The following SPATS2 variants were observed in gnomAD, a reference collection of about 807,000 sequenced individuals.
The protein encoded by SPATS2 is spermatogenesis-associated serine-rich protein 2.
SPATS2 carries 38 observed loss-of-function variants against 63.7 expected under a neutral mutation model. The observed-to-expected ratio is 0.60, with a 90% confidence interval of 0.46 to 0.78. The LOEUF (loss-of-function observed/expected upper bound fraction) is 0.78, where lower values mean the gene tolerates loss of function less well. Among genes scored for constraint, SPATS2 ranks in the 30% least tolerant of loss-of-function variants. SPATS2 has a pLI of 0.00. For synonymous variants in SPATS2, 207 were observed against 232.9 expected (o/e 0.89, Z 1.01); for missense variants, 588 against 666.2 (o/e 0.88, Z 1.29).
chr12:49,470,587 G>A (rs1442802404), intron 3 of SPATS2, among the ~76,000 whole-genome samples: 1 of 152,182 alleles, frequency 6.6e-6, no homozygotes, highest in Non-Finnish European at 1.5e-5. Flanking sequence ...CAGTTCACCA[G>A]CTGGTAAATC....
chr12:49,497,437 C>CG (rs1298104022), intron 8 of SPATS2, among the ~76,000 whole-genome samples: 3 of 151,484 alleles, frequency 2.0e-5, no homozygotes, highest in African/African-American at 7.3e-5. Flanking sequence ...CTTTGTCCCC[C>CG]AGGCTGGAGT....
intron 3 of SPATS2, among the ~76,000 whole-genome samples, chr12:49,468,182 ATG>A (rs1945963202): frequency 8.9e-6 from 1 of 112,622 alleles, no homozygotes; most frequent in Admixed American, 9.7e-5. Context: ...TTTTTTTGAA[ATG>A]GAGTCTTGCT....
At chr12:49,496,527 T>A (rs1406679058) in intron 7 of SPATS2, among the ~76,000 whole-genome samples, 3 of 152,218 alleles carry the variant, frequency 2.0e-5, no homozygotes, top group Non-Finnish European at 4.4e-5. Flanking sequence ...TGTGCCAGAC[T>A]TACATAGAAA....
At chr12:49,513,035 C>A in intron 9 of SPATS2, 1 of 633,448 alleles carries the variant, frequency 1.6e-6, no homozygotes, top group Non-Finnish European at 2.4e-6. Flanking sequence ...TAACATCATG[C>A]GTAACGATTA....
chr12:49,400,512 A>G (rs374761159), intron 2 of SPATS2, among the ~76,000 whole-genome samples: 10 of 152,278 alleles, frequency 6.6e-5, no homozygotes, highest in African/African-American at 1.4e-4. Flanking sequence ...GGAGGGAGAA[A>G]GGGGAATGAC....
At chr12:49,413,294 A>G (rs1424583429) in intron 2 of SPATS2, among the ~76,000 whole-genome samples, 1 of 152,130 alleles carries the variant, frequency 6.6e-6, no homozygotes, top group East Asian at 1.9e-4. Flanking sequence ...TGGAACAGCT[A>G]CGGCGCCTTG....
At chr12:49,461,508 G>A (rs939504552) in intron 3 of SPATS2, among the ~76,000 whole-genome samples, 1 of 152,114 alleles carries the variant, frequency 6.6e-6, no homozygotes, top group African/African-American at 2.4e-5. Flanking sequence ...TATAATGGAG[G>A]GAAGGACAAC....
intron 7 of SPATS2, among the ~76,000 whole-genome samples, chr12:49,496,483 C>A (rs1343325000): frequency 6.6e-6 from 1 of 152,144 alleles, no homozygotes; most frequent in Non-Finnish European, 1.5e-5. Context: ...TGGAGGCTTG[C>A]AGAAGTTGGT....
At chr12:49,454,755 C>T (rs537152604) in intron 2 of SPATS2, among the ~76,000 whole-genome samples, 14 of 152,028 alleles carry the variant, frequency 9.2e-5, no homozygotes, top group Admixed American at 2.0e-4. Flanking sequence ...TGGTGGTATG[C>T]GCCTGTAGCC....
chr12:49,436,520 G>T (rs868646619), intron 2 of SPATS2, among the ~76,000 whole-genome samples: 34 of 118,498 alleles, frequency 2.9e-4, no homozygotes, highest in Admixed American at 7.8e-4. Flanking sequence ...CTGGCCGGGC[G>T]GGGGGCTGAC....
chr12:49,407,350 G>C (rs145210817), intron 2 of SPATS2, among the ~76,000 whole-genome samples: 8 of 152,078 alleles, frequency 5.3e-5, no homozygotes, highest in African/African-American at 1.7e-4. Context: ...TCTTCCAGTG[G>C]TTTTCCATTT....
chr12:49,399,992 C>T (rs1407836647), intron 2 of SPATS2, among the ~76,000 whole-genome samples: 10 of 152,114 alleles, frequency 6.6e-5, no homozygotes, highest in African/African-American at 1.9e-4. Flanking sequence ...GCAGCGATCA[C>T]GCCACTGCAC....
At chr12:49,446,126 A>T (rs1007274971) in intron 2 of SPATS2, among the ~76,000 whole-genome samples, 4 of 151,712 alleles carry the variant, frequency 2.6e-5, no homozygotes, top group African/African-American at 7.3e-5. Context: ...GTGGTCTCGA[A>T]CTCCTGAGCT....
intron 4 of SPATS2, among the ~76,000 whole-genome samples, chr12:49,487,588 A>G (rs575698951): frequency 3.9e-5 from 6 of 152,096 alleles, no homozygotes; most frequent in Non-Finnish European, 7.4e-5. Context: ...TCTCAGTTCC[A>G]ATCTTTTTGT....
At chr12:49,494,112 T>G (rs1946427286) in intron 6 of SPATS2, among the ~76,000 whole-genome samples, 1 of 152,230 alleles carries the variant, frequency 6.6e-6, no homozygotes, top group African/African-American at 2.4e-5. Flanking sequence ...GAAGTAGGAT[T>G]GCTAGTCAAA....
chr12:49,447,091 G>T (rs1945526252), intron 2 of SPATS2, among the ~76,000 whole-genome samples: 4 of 151,660 alleles, frequency 2.6e-5, no homozygotes, highest in Admixed American at 2.6e-4. Context: ...ACCATGCCCG[G>T]CTAAGTTTTT....
intron 2 of SPATS2, among the ~76,000 whole-genome samples, chr12:49,414,935 C>CTTTTTTTTTTT (rs199648430): frequency 7.4e-6 from 1 of 135,918 alleles, no homozygotes; most frequent in African/African-American, 2.9e-5. Flanking sequence ...TTTTCTTTTT[C>CTTTTTTTTTTT]TTTTCTTTTT....
chr12:49,407,440 T>G (rs949676012), intron 2 of SPATS2, among the ~76,000 whole-genome samples: 1 of 152,200 alleles, frequency 6.6e-6, no homozygotes, highest in Non-Finnish European at 1.5e-5. Context: ...TGGCCTGATT[T>G]CCTATGACTC....
intron 2 of SPATS2, among the ~76,000 whole-genome samples, chr12:49,444,546 A>G (rs1945478816): frequency 6.6e-6 from 1 of 151,420 alleles, no homozygotes; most frequent in African/African-American, 2.4e-5. Flanking sequence ...TGTGAATGTA[A>G]TTTTTTGTTA....
Sources: allele counts gnomAD v4.1 joint callset (sites outside exome capture counted in the v4.1 genomes callset), GRCh38; gene constraint gnomAD v4.1.1; transcripts MANE v1.5; gene names NCBI Gene and HGNC (gene_info 2026-07-23, HGNC 2026-07-21).